CASTOR2: variants seen among roughly 807,000 people sequenced by gnomAD.
CASTOR2 encodes the protein cytosolic arginine sensor for mTORC1 subunit 2, also known as GATS protein like 2.
Under a neutral mutation model 31.2 loss-of-function variants are expected in CASTOR2, and 8 were observed. That is an observed-to-expected ratio of 0.26 (90% CI 0.15 to 0.46). CASTOR2 has a LOEUF of 0.46. CASTOR2 is among the 20% of genes least tolerant of loss of function. The pLI is 0.99. For missense variants in CASTOR2, 216 were observed against 382.1 expected, an observed-to-expected ratio of 0.57 and a Z score of 3.62; for synonymous variants, 162 against 158.7, an observed-to-expected ratio of 1.02 and a Z score of -0.16.
chr7:74,981,805 G>A (rs1407959527), intron 1 of CASTOR2, among the ~76,000 whole-genome samples: 10 of 145,786 alleles, frequency 6.9e-5, no homozygotes, highest in Middle Eastern at 3.5e-3. Context: ...GGTGGCTCAC[G>A]CCTATAATCC....
intron 1 of CASTOR2, among the ~76,000 whole-genome samples, chr7:74,977,201 A>T (rs1446443624): frequency 6.6e-6 from 1 of 150,782 alleles, no homozygotes; most frequent in East Asian, 2.0e-4. Context: ...AAAAAAAAAA[A>T]AAACACCTTG....
chr7:75,005,237 C>T (rs1804581648), intron 1 of CASTOR2, among the ~76,000 whole-genome samples: 1 of 152,156 alleles, frequency 6.6e-6, no homozygotes, highest in East Asian at 1.9e-4. Context: ...CCAGAATTTC[C>T]CAGTGCCCCT....
rs587752629 is a variant in CASTOR2, at chr7:74,974,303, C to T, written c.113+9205C>T. Among the ~76,000 whole-genome samples the T allele has an allele frequency of 8.7e-5, 13 of 148,642 alleles. 3 individuals are homozygous for T. Among genetic ancestry groups the T allele is most frequent in the Admixed American group, 2.7e-4 (4 of 14,796 alleles). ...TTGGTATGCTCTGTTCACTGAGAAA[C>T]CCCGCAGTGTATACCTGCTGTAGGC... On this transcript the variant is annotated intron_variant, in intron 1 of 8. Transcript: ENST00000616305.
intron 1 of CASTOR2, among the ~76,000 whole-genome samples, chr7:75,002,628 AAAAG>A (rs1804521996): frequency 1.3e-5 from 2 of 152,176 alleles, no homozygotes; most frequent in African/African-American, 2.4e-5. Flanking sequence ...TCTCAAATAA[AAAAG>A]AAAGAACATT....
chr7:74,978,163 G>A (rs1274943893), intron 1 of CASTOR2, among the ~76,000 whole-genome samples: 3 of 148,822 alleles, frequency 2.0e-5, no homozygotes, highest in African/African-American at 7.4e-5. Flanking sequence ...GAGTGCAATG[G>A]TGCGATCTTG....
In CASTOR2 at chr7:75,030,042, G is replaced by A. The variant is rs1023660255; in HGVS notation, c.*5343G>A. Among the ~76,000 whole-genome samples, 3 of 152,220 alleles carry A rather than the reference G, an allele frequency of 2.0e-5. No individual in the cohort carries two copies. The highest frequency in any genetic ancestry group is 4.1e-4 in the South Asian group (2 of 4,830). On this transcript the variant is annotated 3_prime_UTR_variant, in exon 9 of 9. Coordinates refer to ENST00000616305, the MANE Select transcript of CASTOR2 (RefSeq NM_001145064.3). ...CAGGGAAGGAAGCCAGCCAGGAGCA[G>A]CCTGGAGCAGAGGCAGGAGCCTGAG... is the stretch of plus-strand genomic sequence containing the variant.
At position 75,008,148 on chromosome 7, in the gene CASTOR2, GCCCACCTCCTTATTTCTGCCCCCA is replaced by G. The variant is rs1178685594; in HGVS notation, c.184+87_184+110del. On this transcript the variant is annotated intron_variant, in intron 2 of 8. Coordinates refer to ENST00000616305, the MANE Select transcript of CASTOR2 (RefSeq NM_001145064.3). Reference sequence around the variant, plus strand: ...GCCCACCTCCTTATTTCTGTCCCCCGCCCACCTCCTTATTTCTGCCCCCACCTACCTCCTTACTTCTGCCCTCAT... The same window carrying G: ...GCCCACCTCCTTATTTCTGTCCCCCGCCTACCTCCTTACTTCTGCCCTCAT... 24 of 1,447,976 alleles carry G rather than the reference GCCCACCTCCTTATTTCTGCCCCCA, an allele frequency of 1.7e-5. No homozygotes were observed. In the African/African-American group the frequency reaches 2.7e-4, roughly 16 times the overall value. The allele number at this position is 1,447,976 out of a possible 1,614,324, so 89.7% of individuals were successfully genotyped here. A position where few individuals can be genotyped will look rare whatever the true frequency, so the allele number is the denominator to read the frequency against.
At chr7:74,990,711 CA>C (rs1257379509) in intron 1 of CASTOR2, among the ~76,000 whole-genome samples, 1 of 152,052 alleles carries the variant, frequency 6.6e-6, no homozygotes, top group Non-Finnish European at 1.5e-5. Context: ...AAAAATTAGC[CA>C]GGTGTGGTGG....
chr7:74,967,536 CTTTTTTTTTTTTTTTT>C (rs1185507666), intron 1 of CASTOR2, among the ~76,000 whole-genome samples: 3 of 43,460 alleles, frequency 6.9e-5, no homozygotes, highest in Non-Finnish European at 1.4e-4. Flanking sequence ...CACCTGTTTA[CTTTTTTTTTTTTTTTT>C]TTTTTTTTTT....
Position 75,021,934 on chromosome 7 carries a change from T to G in CASTOR2, c.807T>G (p.Ile269Met). Reference sequence around the variant, plus strand: ...GAGAGCTCTGGAAGATGGTCCGGATTGGAGGACAGCCCCTGGGGTTTGGTG... The same window carrying G: ...GAGAGCTCTGGAAGATGGTCCGGATGGGAGGACAGCCCCTGGGGTTTGGTG... ...ASGELWKMVR[I>M]GGQPLGFDEC... Residue 269 changes from isoleucine to methionine, a missense_variant, in exon 7 of 9, where the codon ATT becomes ATG. Physicochemically the swap from Ile to Met is conservative, Grantham distance 10 (BLOSUM62 1). Transcript: ENST00000616305. 1 of 1,551,804 alleles carries G rather than the reference T, an allele frequency of 6.4e-7. No homozygotes were observed. Among genetic ancestry groups the G allele is most frequent in the Admixed American group, 2.0e-5 (1 of 51,004 alleles).
rs976702554 is a variant in CASTOR2 at position 75,030,103 on chromosome 7, C to G, written c.*5404C>G. ...TGGCATCCAGGGACAGCCTGGTGGC[C>G]GAGAGAGCTTGTGGCTGTCACTATA... is the stretch of plus-strand genomic sequence containing the variant. On this transcript the variant is annotated 3_prime_UTR_variant, in exon 9 of 9. Coordinates refer to ENST00000616305, the MANE Select transcript of CASTOR2 (RefSeq NM_001145064.3). 1.9e-4 allele frequency among the ~76,000 whole-genome samples: 29 copies of G among 152,166 alleles called. No individual in the cohort carries two copies. Among genetic ancestry groups the G allele is most frequent in the Admixed American group, 1.9e-3 (29 of 15,274 alleles).
At chr7:75,016,518 A>G (rs1804867903) in intron 2 of CASTOR2, among the ~76,000 whole-genome samples, 1 of 152,122 alleles carries the variant, frequency 6.6e-6, no homozygotes, top group Non-Finnish European at 1.5e-5. Flanking sequence ...GAGAAGCCCA[A>G]TGTGCAGGGC....
chr7:75,013,211 T>TAC (rs1804793230), intron 2 of CASTOR2, among the ~76,000 whole-genome samples: 2 of 152,162 alleles, frequency 1.3e-5, no homozygotes, highest in African/African-American at 4.8e-5. Flanking sequence ...AGCCAGGGTG[T>TAC]GTGTTCACTG....
chr7:74,990,498 C>T (rs1177806883), intron 1 of CASTOR2, among the ~76,000 whole-genome samples: 7 of 152,046 alleles, frequency 4.6e-5, no homozygotes, highest in African/African-American at 1.7e-4. Context: ...GCAGGAAGAT[C>T]TCTTGAGCCA....
intron 1 of CASTOR2, among the ~76,000 whole-genome samples, chr7:74,994,302 C>T (rs587750932): frequency 3.3e-5 from 5 of 152,322 alleles, no homozygotes; most frequent in Admixed American, 6.5e-5. Flanking sequence ...TCTTTCACCC[C>T]GTCAGGGTGA....
At chr7:75,019,706 G>A (rs1317572379) in intron 5 of CASTOR2, among the ~76,000 whole-genome samples, 1 of 152,188 alleles carries the variant, frequency 6.6e-6, no homozygotes, top group East Asian at 1.9e-4. Context: ...CACTTCCTCA[G>A]CAGATTTTGT....
Position 75,029,407 on chromosome 7 carries a change from G to C in CASTOR2, c.*4708G>C, listed in dbSNP as rs1208062822. 6.7e-6 allele frequency among the ~76,000 whole-genome samples: 1 copy of C among 148,976 alleles called. No homozygotes were observed. ...GAGACAGGCTGGAGTGCAGTGGTGCGATCTCGGTTCGCTGCAACCTCTGCT... is the reference window on the plus strand; with the variant it reads ...GAGACAGGCTGGAGTGCAGTGGTGCCATCTCGGTTCGCTGCAACCTCTGCT... On this transcript the variant is annotated 3_prime_UTR_variant, in exon 9 of 9. Transcript: ENST00000616305.
chr7:74,982,068 A>T (rs1259041669), intron 1 of CASTOR2, among the ~76,000 whole-genome samples: 1 of 122,182 alleles, frequency 8.2e-6, no homozygotes, highest in Non-Finnish European at 1.7e-5. Flanking sequence ...ACCCAGTCTC[A>T]AGAAAAAAAA....
At chr7:74,975,671 G>C (rs1428663406) in intron 1 of CASTOR2, among the ~76,000 whole-genome samples, 1 of 112,824 alleles carries the variant, frequency 8.9e-6, no homozygotes, top group East Asian at 2.7e-4. Context: ...CAGCCTGGGC[G>C]ACAGAGCCAG....
Sources: gnomAD v4.1 joint callset for allele counts (sites outside exome capture counted in the v4.1 genomes callset) on GRCh38, gnomAD v4.1.1 for gene constraint, MANE v1.5 for transcripts, NCBI Gene and HGNC (gene_info 2026-07-23, HGNC 2026-07-21) for gene names.